The following EGFLAM variants were observed in gnomAD, a reference collection of about 807,000 sequenced individuals.
EGFLAM encodes the protein pikachurin.
Under a neutral mutation model 113.1 loss-of-function variants are expected in EGFLAM, and 79 were observed. That is an observed-to-expected ratio of 0.70 (90% CI 0.58 to 0.84). EGFLAM has a LOEUF of 0.84. EGFLAM is among the 40% of genes least tolerant of loss of function. The pLI is 0.00. For synonymous variants in EGFLAM, 504 were observed against 487.6 expected (o/e 1.03, Z -0.44); for missense variants, 1,265 against 1,291.6 (o/e 0.98, Z 0.32).
rs1026518950 is a variant in EGFLAM, at chr5:38,381,927, C to T, written c.712+11465C>T. Among the ~76,000 whole-genome samples the T allele has an allele frequency of 3.3e-5, 5 of 152,102 alleles. No individual in the cohort carries two copies. The South Asian group carries it at 8.3e-4, about 25-fold the overall frequency. On this transcript the variant is annotated intron_variant, in intron 6 of 21. Transcript: ENST00000322350. ...GTGAGATTCCTTTTGTCTAAAGATT[C>T]GATTCCTCAAGCGTGTTCAGAGAAG...
intron 1 of EGFLAM, among the ~76,000 whole-genome samples, chr5:38,313,902 G>A (rs192262199): frequency 3.3e-5 from 5 of 152,042 alleles, no homozygotes; most frequent in Admixed American, 6.5e-5. Context: ...TATGTTAAAC[G>A]ATATTAATCT....
chr5:38,365,856 G>C (rs1287004678), intron 5 of EGFLAM, among the ~76,000 whole-genome samples: 1 of 152,088 alleles, frequency 6.6e-6, no homozygotes, highest in Non-Finnish European at 1.5e-5. Flanking sequence ...CTCCCACCCT[G>C]ATCAGGAAGT....
intron 6 of EGFLAM, among the ~76,000 whole-genome samples, chr5:38,396,580 G>C (rs540623286): frequency 3.2e-4 from 49 of 152,318 alleles, no homozygotes; most frequent in African/African-American, 1.1e-3. Flanking sequence ...TGTGTACATA[G>C]CACTGAATTT....
At chr5:38,373,585 A>T (rs1243269840) in intron 6 of EGFLAM, among the ~76,000 whole-genome samples, 1 of 152,172 alleles carries the variant, frequency 6.6e-6, no homozygotes, top group Non-Finnish European at 1.5e-5. Flanking sequence ...TGCTTAAAAG[A>T]CGTGGGTTTG....
intron 6 of EGFLAM, among the ~76,000 whole-genome samples, chr5:38,372,260 G>A (rs1345402539): frequency 1.3e-5 from 2 of 151,612 alleles, no homozygotes; most frequent in African/African-American, 2.4e-5. Flanking sequence ...CTCCTGCCTC[G>A]GCCTTCCGAG....
At chr5:38,299,416 G>A (rs576602068) in intron 1 of EGFLAM, among the ~76,000 whole-genome samples, 25 of 152,268 alleles carry the variant, frequency 1.6e-4, no homozygotes, top group East Asian at 7.7e-4. Context: ...TGGCTATGGC[G>A]TGTGTCATTG....
rs1742036610 is a variant in EGFLAM at position 38,427,097 on chromosome 5, C to T, written c.1899C>T (p.Ser633=). The change falls in exon 14 of 22, where the codon TCC becomes TCT. Residue 633 remains serine, a synonymous_variant. Coordinates refer to ENST00000322350, the MANE Select transcript of EGFLAM (RefSeq NM_152403.4). ...CACTGGAGCCCCAGCATTACCTTTC[C>T]TTCATGGAATTTGAGATCACATTTC... The part of the protein sequence containing the change: ...PWPLEPQHYL[S]FMEFEITFRP... The T allele has an allele frequency of 1.2e-6, 2 of 1,614,014 alleles. No homozygotes were observed. Among genetic ancestry groups the T allele is most frequent in the Non-Finnish European group, 1.7e-6 (2 of 1,180,034 alleles).
chr5:38,379,023 T>C (rs908763935), intron 6 of EGFLAM, among the ~76,000 whole-genome samples: 1 of 152,168 alleles, frequency 6.6e-6, no homozygotes, highest in African/African-American at 2.4e-5. Flanking sequence ...TTCATTAGAC[T>C]CCAGGCTCTG....
In EGFLAM at chr5:38,375,937, A is replaced by G. The variant is rs570207157; in HGVS notation, c.712+5475A>G. Among the ~76,000 whole-genome samples, 14 of 152,302 alleles carry G rather than the reference A, an allele frequency of 9.2e-5. 1 individual carries two copies. The highest frequency in any genetic ancestry group is 3.9e-4 in the East Asian group (2 of 5,188). ...CCTTGAATAATAATGGTGCATCTAC[A>G]TGTACTTCTGTCTTCTCCTGGGAGG... On this transcript the variant is annotated intron_variant, in intron 6 of 21. Transcript: ENST00000322350.
intron 21 of EGFLAM, among the ~76,000 whole-genome samples, chr5:38,463,304 C>T (rs544887711): frequency 3.3e-5 from 5 of 152,182 alleles, no homozygotes; most frequent in African/African-American, 4.8e-5. Flanking sequence ...TCTGACAAAA[C>T]GGGACCTGTC....
intron 19 of EGFLAM, among the ~76,000 whole-genome samples, chr5:38,457,169 G>C (rs949128945): frequency 2.0e-5 from 3 of 152,182 alleles, no homozygotes; most frequent in Non-Finnish European, 4.4e-5. Context: ...CATTAGGTTT[G>C]TGATTTTAGG....
intron 1 of EGFLAM, among the ~76,000 whole-genome samples, chr5:38,326,276 C>T (rs940392391): frequency 1.3e-5 from 2 of 152,144 alleles, no homozygotes; most frequent in African/African-American, 2.4e-5. Context: ...GAACTGTCCT[C>T]GAGAATCCAG....
At chr5:38,400,338 T>C (rs74902152) in intron 6 of EGFLAM, among the ~76,000 whole-genome samples, 22,564 of 152,256 alleles carry the variant, frequency 0.15, 1,855 homozygotes, top group Non-Finnish European at 0.17. Flanking sequence ...GTGTTTTGTT[T>C]ATTAACTTTT....
At chr5:38,300,654 C>T (rs1758554193) in intron 1 of EGFLAM, among the ~76,000 whole-genome samples, 1 of 152,174 alleles carries the variant, frequency 6.6e-6, no homozygotes, top group South Asian at 2.1e-4. Context: ...GGATTACAGG[C>T]ATGAGCCATC....
intron 3 of EGFLAM, among the ~76,000 whole-genome samples, chr5:38,340,551 A>G (rs1436520725): frequency 2.6e-5 from 4 of 152,206 alleles, no homozygotes; most frequent in African/African-American, 9.6e-5. Flanking sequence ...TCTGAAAACC[A>G]CATCCACACA....
chr5:38,427,338 G>C (rs970065413), intron 14 of EGFLAM, 86 bp downstream of exon 14: 24 of 1,554,302 alleles, frequency 1.5e-5, no homozygotes, highest in Non-Finnish European at 2.1e-5. Context: ...CCATTCAACA[G>C]CTCACACTCA....
At chr5:38,349,777 A>G (rs879348324) in intron 3 of EGFLAM, among the ~76,000 whole-genome samples, 11,657 of 118,608 alleles carry the variant, frequency 0.098, 509 homozygotes, top group East Asian at 0.14. Flanking sequence ...ACACACGCAC[A>G]CACACACACA....
chr5:38,300,255 A>C (rs547065839), intron 1 of EGFLAM, among the ~76,000 whole-genome samples: 1 of 152,302 alleles, frequency 6.6e-6, no homozygotes, highest in African/African-American at 2.4e-5. Context: ...GGGTCAAATC[A>C]TGCACAGTCC....
chr5:38,273,296 C>A (rs962389158), intron 1 of EGFLAM, among the ~76,000 whole-genome samples: 2 of 152,218 alleles, frequency 1.3e-5, no homozygotes, highest in Non-Finnish European at 2.9e-5. Flanking sequence ...CGATGACAGG[C>A]TGATACCCAC....
Sources: allele counts gnomAD v4.1 joint callset (sites outside exome capture counted in the v4.1 genomes callset), GRCh38; gene constraint gnomAD v4.1.1; transcripts MANE v1.5; gene names NCBI Gene and HGNC (gene_info 2026-07-23, HGNC 2026-07-21).